The following RPS6KC1 variants were observed in gnomAD, a reference collection of about 807,000 sequenced individuals.
The protein encoded by RPS6KC1 is ribosomal protein S6 kinase C1, also known as inactive ribosomal protein S6 kinase delta-1.
RPS6KC1 carries 54 observed loss-of-function variants against 103.8 expected under a neutral mutation model. The observed-to-expected ratio is 0.52, with a 90% CI of 0.42 to 0.65. RPS6KC1 has a LOEUF of 0.65. Among genes scored for constraint, RPS6KC1 ranks in the 30% least tolerant of loss-of-function variants. The pLI, the probability that RPS6KC1 is intolerant of heterozygous loss-of-function variation, is 0.00. For synonymous variants in RPS6KC1, 439 were observed against 438.7 expected, an observed-to-expected ratio of 1.00 and a Z score of -0.01; for missense variants, 1,151 against 1,253.8, an observed-to-expected ratio of 0.92 and a Z score of 1.24.
At chr1:213,731,913 T>A in the RPS6KC1 span, among the ~76,000 whole-genome samples, 1 of 152,064 alleles carries the variant, frequency 6.6e-6, no homozygotes. Context: ...AATGACAAGA[T>A]GTTTATGATG....
chr1:213,384,779 T>C, the RPS6KC1 span, among the ~76,000 whole-genome samples: 1 of 152,164 alleles, frequency 6.6e-6, no homozygotes. Flanking sequence ...CAGGTACAGG[T>C]ATATTCTCAC....
At chr1:213,571,219 G>T in the RPS6KC1 span, among the ~76,000 whole-genome samples, 1 of 152,156 alleles carries the variant, frequency 6.6e-6, no homozygotes, top group African/African-American at 2.4e-5. Flanking sequence ...AAAGGAACTT[G>T]CGAGACTTAT....
the RPS6KC1 span, among the ~76,000 whole-genome samples, chr1:213,456,693 T>C: frequency 6.6e-6 from 1 of 152,242 alleles, no homozygotes; most frequent in African/African-American, 2.4e-5. Context: ...ATTAAAATGT[T>C]CTATAAAGCA....
the RPS6KC1 span, among the ~76,000 whole-genome samples, chr1:213,718,840 T>G: frequency 6.6e-6 from 1 of 152,216 alleles, no homozygotes; most frequent in South Asian, 2.1e-4. Flanking sequence ...CCTATAGTTC[T>G]GGGGTGGGAC....
chr1:213,117,302 C>T lies in RPS6KC1; in HGVS notation c.379-15C>T, dbSNP rs752955254. On this transcript the variant is annotated splice_polypyrimidine_tract_variant and intron_variant, in intron 4 of 14. Coordinates refer to ENST00000366960, the MANE Select transcript of RPS6KC1 (RefSeq NM_012424.6). ...TCTTAATGCTAATGAAACACAATTG[C>T]TCTTATCTCTTTAGGGTGGAATAAT... 6 of 1,475,816 alleles carry T rather than the reference C, an allele frequency of 4.1e-6. No individual in the cohort carries two copies. The highest frequency in any genetic ancestry group is 2.3e-5 in the East Asian group (1 of 43,980). The allele number at this position is 1,475,816 out of a possible 1,614,324, so 91.4% of individuals were successfully genotyped here.
chr1:213,532,404 G>A, the RPS6KC1 span, among the ~76,000 whole-genome samples: 1 of 151,894 alleles, frequency 6.6e-6, no homozygotes, highest in African/African-American at 2.4e-5. Context: ...TTTTTCTGTG[G>A]AAAAAAAAGT....
intron 5 of RPS6KC1, among the ~76,000 whole-genome samples, chr1:213,123,471 G>A (rs755782045): frequency 6.6e-6 from 1 of 152,082 alleles, no homozygotes; most frequent in Non-Finnish European, 1.5e-5. Context: ...CAAGGATGAA[G>A]CATAATAGAC....
chr1:213,074,843 ATTTTTTTTTT>A lies in RPS6KC1; in HGVS notation c.142-2832_142-2823del, dbSNP rs752747801. ...TTTAAAAATGACTTAACTAGAATAA[ATTTTTTTTTT>A]TTTTTTTTTTTTTTTTTTTTACGGA... is the stretch of plus-strand genomic sequence containing the variant. On this transcript the variant is annotated intron_variant, in intron 2 of 14. Coordinates refer to ENST00000366960, the MANE Select transcript of RPS6KC1 (RefSeq NM_012424.6). Among the ~76,000 whole-genome samples, 28 of 71,322 alleles carry A rather than the reference ATTTTTTTTTT, an allele frequency of 3.9e-4. 1 individual carries two copies. The highest frequency in any genetic ancestry group is 6.0e-4 in the African/African-American group (10 of 16,570). 46.8% of individuals were successfully genotyped at this position (71,322 alleles called of 152,430 possible).
At chr1:213,511,202 G>A in the RPS6KC1 span, among the ~76,000 whole-genome samples, 9 of 151,568 alleles carry the variant, frequency 5.9e-5, no homozygotes, top group Admixed American at 5.3e-4. Context: ...TTTAGAAATA[G>A]GAATGGCTCA....
chr1:213,672,675 G>T, the RPS6KC1 span, among the ~76,000 whole-genome samples: 1 of 152,088 alleles, frequency 6.6e-6, no homozygotes, highest in Non-Finnish European at 1.5e-5. Context: ...TCCACTCTGA[G>T]TGTTTCAACT....
the RPS6KC1 span, among the ~76,000 whole-genome samples, chr1:213,712,769 G>A: frequency 1.3e-5 from 2 of 152,176 alleles, no homozygotes; most frequent in Non-Finnish European, 2.9e-5. Context: ...TGGGGAGGGA[G>A]TTCCCCGATC....
At chr1:213,475,887 A>C in the RPS6KC1 span, among the ~76,000 whole-genome samples, 24 of 152,284 alleles carry the variant, frequency 1.6e-4, no homozygotes, top group African/African-American at 5.5e-4. Context: ...GAAACCTTGG[A>C]GTCTCCTAAG....
chr1:213,522,251 ACT>A, the RPS6KC1 span, among the ~76,000 whole-genome samples: 2 of 152,052 alleles, frequency 1.3e-5, no homozygotes, highest in African/African-American at 2.4e-5. Context: ...TTTTGAAAAG[ACT>A]CTCTTTTTTC....
At chr1:213,055,197 A>T (rs1428964423) in intron 1 of RPS6KC1, among the ~76,000 whole-genome samples, 1 of 152,110 alleles carries the variant, frequency 6.6e-6, no homozygotes, top group East Asian at 1.9e-4. Flanking sequence ...AAGTTCCCTC[A>T]TGTTCCTTTG....
chr1:213,661,751 T>A, the RPS6KC1 span, among the ~76,000 whole-genome samples: 1 of 152,222 alleles, frequency 6.6e-6, no homozygotes, highest in Admixed American at 6.5e-5. Context: ...TAGATGAAAT[T>A]ATTCTACTCT....
At chr1:213,130,565 A>G (rs975869166) in intron 6 of RPS6KC1, among the ~76,000 whole-genome samples, 13 of 152,154 alleles carry the variant, frequency 8.5e-5, no homozygotes, top group Admixed American at 2.0e-4. Context: ...ACAGAAGATC[A>G]TCATTTTCAT....
At chr1:213,490,742 G>C in the RPS6KC1 span, among the ~76,000 whole-genome samples, 1 of 152,172 alleles carries the variant, frequency 6.6e-6, no homozygotes, top group South Asian at 2.1e-4. Flanking sequence ...GCTCTCAAGG[G>C]CATCTGAAAA....
chr1:213,486,403 ATTTTATTT>A, the RPS6KC1 span, among the ~76,000 whole-genome samples: 2 of 151,964 alleles, frequency 1.3e-5, no homozygotes, highest in Non-Finnish European at 2.9e-5. Context: ...ATTTGGCTTG[ATTTTATTT>A]TTTTATTTTT....
At chr1:213,368,319 A>G in the RPS6KC1 span, among the ~76,000 whole-genome samples, 22 of 149,892 alleles carry the variant, frequency 1.5e-4, no homozygotes, top group Non-Finnish European at 2.8e-4. Context: ...GAAGGGTGGA[A>G]GGAACCCAGA....
Sources: gnomAD v4.1 joint callset for allele counts (sites outside exome capture counted in the v4.1 genomes callset) on GRCh38, gnomAD v4.1.1 for gene constraint, MANE v1.5 for transcripts, NCBI Gene and HGNC (gene_info 2026-07-23, HGNC 2026-07-21) for gene names.